The following HNRNPU variants were observed in gnomAD, a reference collection of about 807,000 sequenced individuals.
HNRNPU encodes heterogeneous nuclear ribonucleoprotein U.
A neutral mutation model predicts 94.7 loss-of-function variants in HNRNPU; 5 were observed. The ratio of observed to expected loss-of-function variants is 0.05; its 90% CI spans 0.03 to 0.11. The LOEUF is 0.11. Ranked by LOEUF, HNRNPU falls within the 10% of genes least tolerant of loss-of-function variation. The probability of loss-of-function intolerance (pLI) is 1.00; values close to 1 mark genes in which losing one functional copy is unlikely to be tolerated. For synonymous variants in HNRNPU, 434 were observed against 381.6 expected (o/e 1.14, Z -1.60); for missense variants, 710 against 1,049.2 (o/e 0.68, Z 4.47).
intron 9 of HNRNPU, 50 bp from the exon 10 acceptor site, chr1:244,856,675 C>T: frequency 6.2e-7 from 1 of 1,606,780 alleles, no homozygotes; most frequent in South Asian, 1.1e-5. Context: ...AATTCTACAC[C>T]AATCTATCTA....
chr1:244,864,484 A>C lies in HNRNPU; in HGVS notation c.-177T>G. 2 of 1,099,208 alleles carry C rather than the reference A, an allele frequency of 1.8e-6. No individual in the cohort carries two copies. Among genetic ancestry groups the C allele is most frequent in the East Asian group, 2.9e-5 (1 of 34,312 alleles). The allele number at this position is 1,099,208 out of a possible 1,614,324, so 68.1% of individuals were successfully genotyped here. A position where few individuals can be genotyped will look rare whatever the true frequency, so the allele number is the denominator to read the frequency against. On this transcript the variant is annotated 5_prime_UTR_variant, in exon 1 of 14. Transcript: ENST00000640218. Reference sequence around the variant, plus strand: ...GTGTCGAACGGCGCCAATTCCTTTCACCGAGTTCGCGAGGGAGACGCGGAG... The same window carrying C: ...GTGTCGAACGGCGCCAATTCCTTTCCCCGAGTTCGCGAGGGAGACGCGGAG...
At chr1:244,861,659 AAC>A (rs1449835935) in intron 3 of HNRNPU, 4 of 152,098 alleles carry the variant, frequency 2.6e-5, no homozygotes, top group East Asian at 1.9e-4. Flanking sequence ...ATACTTTTGA[AAC>A]AGTTATTTTT....
At position 244,853,668 on chromosome 1, in the gene HNRNPU, G is replaced by GT. The variant is rs530591128; in HGVS notation, c.*781dup. ...CATTAGACAACTGGATTTACAACAA[G>GT]TTTTTTTAATAAGAAATGGGCAAAG... On this transcript the variant is annotated 3_prime_UTR_variant, in exon 14 of 14. Transcript: ENST00000640218. 5.2e-5 allele frequency: 8 copies of GT among 152,618 alleles called. No homozygotes were observed. The highest frequency in any genetic ancestry group is 4.1e-4 in the South Asian group (2 of 4,826). 9.5% of individuals were successfully genotyped at this position (152,618 alleles called of 1,614,324 possible). A position where few individuals can be genotyped will look rare whatever the true frequency, so the allele number is the denominator to read the frequency against.
chr1:244,863,587 G>A (rs1680914744), intron 1 of HNRNPU, 30 bp downstream of exon 1: 6 of 1,391,036 alleles, frequency 4.3e-6, no homozygotes, highest in Non-Finnish European at 4.6e-6. Context: ...CGGGCCTCCC[G>A]CCGCGCGCAA....
chr1:244,863,424 G>GCC, intron 1 of HNRNPU, among the ~76,000 whole-genome samples, 193 bp downstream of exon 1: 1 of 147,550 alleles, frequency 6.8e-6, no homozygotes, highest in South Asian at 2.2e-4. Flanking sequence ...ACACACACGC[G>GCC]CGCGCGCACA....
At chr1:244,863,589 C>A (rs764219088) in intron 1 of HNRNPU, 28 bp downstream of exon 1, 80 of 1,401,588 alleles carry the variant, frequency 5.7e-5, no homozygotes, top group Non-Finnish European at 7.1e-5. Context: ...GGCCTCCCGC[C>A]GCGCGCAACG....
At chr1:244,855,846 T>C in intron 11 of HNRNPU, 58 bp downstream of exon 11, 1 of 1,580,236 alleles carries the variant, frequency 6.3e-7, no homozygotes, top group South Asian at 1.2e-5. Context: ...ATCCAAACTA[T>C]AAAATTATCA....
chr1:244,857,503 T>C, intron 8 of HNRNPU, 95 bp downstream of exon 8: 2 of 1,294,170 alleles, frequency 1.5e-6, no homozygotes, highest in Non-Finnish European at 2.2e-6. Context: ...CACCTCAGCC[T>C]CTCAAAATGC....
Position 244,850,432 on chromosome 1 carries a change from C to T in HNRNPU, c.*4018G>A, listed in dbSNP as rs1680509634. ...CAAGCACTAACACTAGCTAGATCAC[C>T]TTCATGCTTTAAAATTTAAAGTTAT... On this transcript the variant is annotated 3_prime_UTR_variant, in exon 14 of 14. Coordinates refer to ENST00000640218, the MANE Select transcript of HNRNPU (RefSeq NM_031844.3). 1.3e-5 allele frequency: 2 copies of T among 151,910 alleles called. No homozygotes were observed. The highest frequency in any genetic ancestry group is 4.2e-4 in the South Asian group (2 of 4,810). The allele number at this position is 151,910 out of a possible 1,614,324, so 9.4% of individuals were successfully genotyped here.
rs771652857 is a variant in HNRNPU at position 244,851,467 on chromosome 1, ACT to A, written c.*2981_*2982del. ...ATGAGACATTTTAAATACAGAATAC[ACT>A]CTGTTCATGAATATAAAATCCCCAG... On this transcript the variant is annotated 3_prime_UTR_variant, in exon 14 of 14. Coordinates refer to ENST00000640218, the MANE Select transcript of HNRNPU (RefSeq NM_031844.3). The A allele has an allele frequency of 6.6e-5, 10 of 152,176 alleles. No individual in the cohort carries two copies. Among genetic ancestry groups the A allele is most frequent in the Admixed American group, 5.2e-4 (8 of 15,268 alleles). 9.4% of individuals were successfully genotyped at this position (152,176 alleles called of 1,614,324 possible). A position where few individuals can be genotyped will look rare whatever the true frequency, so the allele number is the denominator to read the frequency against.
In HNRNPU at chr1:244,864,497, G is replaced by GGGAGACGC. The variant is rs1680949191; in HGVS notation, c.-198_-191dup. 3.1e-6 allele frequency: 3 copies of GGGAGACGC among 977,520 alleles called. No homozygotes were observed. Among genetic ancestry groups the GGGAGACGC allele is most frequent in the Admixed American group, 3.3e-5 (1 of 30,120 alleles). The allele number at this position is 977,520 out of a possible 1,614,324, so 60.6% of individuals were successfully genotyped here. A position where few individuals can be genotyped will look rare whatever the true frequency, so the allele number is the denominator to read the frequency against. On this transcript the variant is annotated 5_prime_UTR_variant, in exon 1 of 14. Transcript: ENST00000640218. ...CCAATTCCTTTCACCGAGTTCGCGA[G>GGGAGACGC]GGAGACGCGGAGACTCGCCTGGCGC...
intron 8 of HNRNPU, 156 bp from the exon 9 acceptor site, chr1:244,857,012 C>G: frequency 1.6e-6 from 1 of 624,968 alleles, no homozygotes; most frequent in Non-Finnish European, 2.8e-6. Flanking sequence ...GTCACTTAAA[C>G]TATGTAACAA....
intron 3 of HNRNPU, 164 bp downstream of exon 3, chr1:244,862,297 G>A (rs1680851772): frequency 1.7e-6 from 1 of 582,058 alleles, no homozygotes; most frequent in Admixed American, 3.3e-5. Flanking sequence ...CTGATGACGT[G>A]CTAAATATTA....
chr1:244,851,381 T>C lies in HNRNPU; in HGVS notation c.*3069A>G, dbSNP rs1558183972. 6.6e-6 allele frequency: 1 copy of C among 152,208 alleles called. No individual in the cohort carries two copies. Among genetic ancestry groups the C allele is most frequent in the African/African-American group, 2.4e-5 (1 of 41,454 alleles). 9.4% of individuals were successfully genotyped at this position (152,208 alleles called of 1,614,324 possible). ...ACCCATTATTCACATGGTCCTAGAA[T>C]AAAAAGTCAATTTATATTGTGAATA... On this transcript the variant is annotated 3_prime_UTR_variant, in exon 14 of 14. Transcript: ENST00000640218.
Position 244,850,478 on chromosome 1 carries a change from C to T in HNRNPU, c.*3972G>A, listed in dbSNP as rs996747927. On this transcript the variant is annotated 3_prime_UTR_variant, in exon 14 of 14. Transcript: ENST00000640218. ...GTTATGGAGTAGCTGTGCCCACACC[C>T]CCCCCCAAAAAAAAGCTTTAATAAA... The T allele has an allele frequency of 7.4e-6, 1 of 135,326 alleles. No individual in the cohort carries two copies. Among genetic ancestry groups the T allele is most frequent in the Admixed American group, 7.8e-5 (1 of 12,830 alleles). 8.4% of individuals were successfully genotyped at this position (135,326 alleles called of 1,614,324 possible). A position where few individuals can be genotyped will look rare whatever the true frequency, so the allele number is the denominator to read the frequency against.
At chr1:244,857,574 T>A (rs1273982281) in intron 8 of HNRNPU, 24 bp downstream of exon 8, 2 of 1,608,638 alleles carry the variant, frequency 1.2e-6, no homozygotes, top group Non-Finnish European at 1.7e-6. Context: ...AACACTGAGA[T>A]CAGGCCCTAA....
intron 4 of HNRNPU, 77 bp downstream of exon 4, chr1:244,860,258 A>G (rs1480421398): frequency 7.4e-6 from 10 of 1,346,180 alleles, no homozygotes; most frequent in Non-Finnish European, 9.3e-6. Context: ...CCTAGGTCGC[A>G]CCACGGCAAT....
intron 3 of HNRNPU, chr1:244,861,354 A>G (rs985584427): frequency 8.5e-5 from 13 of 152,242 alleles, no homozygotes; most frequent in Non-Finnish European, 1.0e-4. Flanking sequence ...AAATCTAACA[A>G]TTACATTACC....
chr1:244,862,365 A>T (rs1460108822), intron 3 of HNRNPU, 96 bp downstream of exon 3: 8 of 823,894 alleles, frequency 9.7e-6, no homozygotes. Flanking sequence ...AACTAACCCA[A>T]GTTTTGCTGC....
Sources: allele counts gnomAD v4.1 joint callset (sites outside exome capture counted in the v4.1 genomes callset), GRCh38; gene constraint gnomAD v4.1.1; transcripts MANE v1.5; gene names NCBI Gene and HGNC (gene_info 2026-07-23, HGNC 2026-07-21).